Variants in WDR7 observed in about 807,000 individuals in gnomAD.
WDR7 encodes the protein WD repeat domain 7.
WDR7 carries 46 observed loss-of-function variants against 169.4 expected under a neutral mutation model. The ratio of observed to expected loss-of-function variants is 0.27; its 90% CI spans 0.21 to 0.35. WDR7 has a LOEUF of 0.35. WDR7 is among the 10% of genes least tolerant of loss of function. WDR7 has a pLI of 1.00. For synonymous variants in WDR7, 612 were observed against 666.8 expected (o/e 0.92, Z 1.27); for missense variants, 1,534 against 1,859.3 (o/e 0.83, Z 3.22).
At chr18:56,748,034 T>G (rs966558801) in intron 14 of WDR7, among the ~76,000 whole-genome samples, 1 of 152,178 alleles carries the variant, frequency 6.6e-6, no homozygotes. Flanking sequence ...GAAGGGTGTG[T>G]TATACTAGGA....
At chr18:56,868,926 C>T (rs2045918127) in intron 20 of WDR7, among the ~76,000 whole-genome samples, 1 of 152,006 alleles carries the variant, frequency 6.6e-6, no homozygotes, top group South Asian at 2.1e-4. Flanking sequence ...ATCTCAATTT[C>T]CTTTCAAACT....
At chr18:56,760,071 T>C (rs1228546783) in intron 16 of WDR7, among the ~76,000 whole-genome samples, 1 of 152,222 alleles carries the variant, frequency 6.6e-6, no homozygotes, top group African/African-American at 2.4e-5. Flanking sequence ...AAGATCATTA[T>C]GTAATAGTGT....
intron 1 of WDR7, among the ~76,000 whole-genome samples, chr18:56,662,604 A>G (rs548267097): frequency 3.9e-5 from 6 of 152,350 alleles, no homozygotes; most frequent in African/African-American, 1.4e-4. Context: ...ATCAACATCT[A>G]TCGAGTATTC....
In WDR7 at chr18:56,816,684, A is replaced by T. The variant is rs541835073; in HGVS notation, c.3304+540A>T. Among the ~76,000 whole-genome samples, 5 of 151,770 alleles carry T rather than the reference A, an allele frequency of 3.3e-5. No individual in the cohort carries two copies. The South Asian group carries it at 1.0e-3, about 31-fold the overall frequency. On this transcript the variant is annotated intron_variant, in intron 20 of 27. Transcript: ENST00000254442. ...AAAAACATAAAGCAAATTTTAGGAA[A>T]CTCACACACTATAAATGTTTAGCCC... is the stretch of plus-strand genomic sequence containing the variant.
intron 19 of WDR7, among the ~76,000 whole-genome samples, chr18:56,794,304 A>ATTTTTTTTTTTTTT (rs566857049): frequency 0.12 from 6,096 of 49,330 alleles, 2,343 homozygotes; most frequent in South Asian, 0.2. Flanking sequence ...GGTAAAGTCT[A>ATTTTTTTTTTTTTT]TTTTTTTTTT....
chr18:56,731,562 G>A lies in WDR7; in HGVS notation c.1954G>A (p.Ala652Thr), dbSNP rs1446826296. ...NMAHHKLQTL[A>T]TNLLASEASD... ...GGCCCATCATAAGCTACAAACCCTT[G>A]CAACTAACCTCTTGGCTTCTGAGGC... Residue 652 changes from alanine to threonine, a missense_variant, in exon 14 of 28, where the codon GCA (alanine) becomes ACA (threonine). Coordinates refer to ENST00000254442, the MANE Select transcript of WDR7 (RefSeq NM_015285.3). 3 of 1,613,862 alleles carry A rather than the reference G, an allele frequency of 1.9e-6. No homozygotes were observed. In the Admixed American group the frequency reaches 5.0e-5, roughly 27 times the overall value.
At chr18:56,797,842 C>A (rs1371147960) in intron 19 of WDR7, among the ~76,000 whole-genome samples, 1 of 152,186 alleles carries the variant, frequency 6.6e-6, no homozygotes, top group African/African-American at 2.4e-5. Context: ...CAGCATTGTT[C>A]TGGATGCTGG....
chr18:56,822,768 A>T (rs2045120816), intron 20 of WDR7, among the ~76,000 whole-genome samples: 1 of 152,206 alleles, frequency 6.6e-6, no homozygotes, highest in African/African-American at 2.4e-5. Flanking sequence ...TACTATATTA[A>T]GGCTCTTAGT....
chr18:56,755,322 T>C (rs1046754602), intron 14 of WDR7, among the ~76,000 whole-genome samples: 2 of 152,224 alleles, frequency 1.3e-5, no homozygotes, highest in Admixed American at 1.3e-4. Flanking sequence ...AAGAATTTTG[T>C]ATTGTCTATT....
intron 20 of WDR7, among the ~76,000 whole-genome samples, chr18:56,824,573 A>G (rs1057161317): frequency 2.0e-5 from 3 of 152,194 alleles, no homozygotes; most frequent in Non-Finnish European, 4.4e-5. Flanking sequence ...TATCCTTCCT[A>G]TACTTACATA....
Position 56,756,727 on chromosome 18 carries a change from A to G in WDR7, c.2134A>G (p.Thr712Ala). 1 of 1,614,162 alleles carries G rather than the reference A, an allele frequency of 6.2e-7. No individual in the cohort carries two copies. Among genetic ancestry groups the G allele is most frequent in the Admixed American group, 1.7e-5 (1 of 60,024 alleles). ...LLTEEASRPN[T>A]ALISPENLQK... is the part of the protein sequence containing the mutation. The stretch of plus-strand genomic sequence containing the variant: ...GACTGAAGAAGCCTCTAGGCCGAAT[A>G]CTGCTCTTATTTCCCCAGAGAATTT... The change falls in exon 15 of 28, where the codon ACT (threonine) becomes GCT (alanine). Residue 712 changes from threonine (T) to alanine (A), a missense_variant. Coordinates refer to ENST00000254442, the MANE Select transcript of WDR7 (RefSeq NM_015285.3).
At chr18:56,960,594 GTATAGA>G (rs1028215423) in intron 25 of WDR7, among the ~76,000 whole-genome samples, 5 of 152,146 alleles carry the variant, frequency 3.3e-5, no homozygotes, top group African/African-American at 1.2e-4. Flanking sequence ...GAGTATATGT[GTATAGA>G]TATAGATGTA....
intron 19 of WDR7, among the ~76,000 whole-genome samples, chr18:56,815,437 A>G (rs1196007198): frequency 6.6e-6 from 1 of 152,218 alleles, no homozygotes; most frequent in Non-Finnish European, 1.5e-5. Context: ...CGATTTACAG[A>G]ATGGAAGCTT....
At chr18:56,678,696 C>T (rs2025295119) in intron 2 of WDR7, among the ~76,000 whole-genome samples, 1 of 152,072 alleles carries the variant, frequency 6.6e-6, no homozygotes, top group Non-Finnish European at 1.5e-5. Context: ...GGGGTTTTAC[C>T]ACATTGGTCA....
intron 26 of WDR7, among the ~76,000 whole-genome samples, chr18:56,995,999 C>T (rs763340738): frequency 2.0e-5 from 3 of 151,898 alleles, no homozygotes; most frequent in Admixed American, 6.6e-5. Flanking sequence ...TTTTTTCAGG[C>T]GTAATGATTC....
intron 13 of WDR7, among the ~76,000 whole-genome samples, chr18:56,725,254 G>T (rs1299335337): frequency 6.6e-6 from 1 of 150,728 alleles, no homozygotes; most frequent in Non-Finnish European, 1.5e-5. Flanking sequence ...GGTTGAACTA[G>T]TTTACAGTCC....
At chr18:56,854,203 C>T (rs1049988821) in intron 20 of WDR7, among the ~76,000 whole-genome samples, 1 of 152,232 alleles carries the variant, frequency 6.6e-6, no homozygotes, top group Non-Finnish European at 1.5e-5. Context: ...AGTCCTCACA[C>T]TGTCTGCCGG....
At chr18:57,025,216 T>C (rs2048350813) in intron 27 of WDR7, among the ~76,000 whole-genome samples, 2 of 152,324 alleles carry the variant, frequency 1.3e-5, no homozygotes, top group South Asian at 4.1e-4. Context: ...TTCATACATA[T>C]ATTCATAGAA....
chr18:56,802,616 T>C (rs2145164667), intron 19 of WDR7, among the ~76,000 whole-genome samples: 1 of 151,378 alleles, frequency 6.6e-6, no homozygotes, highest in African/African-American at 2.4e-5. Flanking sequence ...GATACACCCA[T>C]CTTGGCCTCC....
Sources: gnomAD v4.1 joint callset for allele counts (sites outside exome capture counted in the v4.1 genomes callset) on GRCh38, gnomAD v4.1.1 for gene constraint, MANE v1.5 for transcripts, NCBI Gene and HGNC (gene_info 2026-07-23, HGNC 2026-07-21) for gene names.